TRDN: variants seen among roughly 807,000 people sequenced by gnomAD.
The protein encoded by TRDN is triadin.
Under a neutral mutation model 149.7 loss-of-function variants are expected in TRDN, and 161 were observed. That is an observed-to-expected ratio of 1.08 (90% CI 0.95 to 1.23). The LOEUF is 1.23. Among genes scored for constraint, TRDN ranks in the 50% most tolerant of loss-of-function variants. TRDN has a pLI of 0.00. For synonymous variants in TRDN, 294 were observed against 250.5 expected, an observed-to-expected ratio of 1.17 and a Z score of -1.64; for missense variants, 896 against 823.5, an observed-to-expected ratio of 1.09 and a Z score of -1.08.
chr6:123,577,380 T>C (rs1782911194), intron 1 of TRDN, among the ~76,000 whole-genome samples: 1 of 152,170 alleles, frequency 6.6e-6, no homozygotes, highest in Non-Finnish European at 1.5e-5. Context: ...TTCCCACTTA[T>C]AAGTGAGAAC....
intron 4 of TRDN, among the ~76,000 whole-genome samples, chr6:123,543,022 G>C (rs1417859756): frequency 6.6e-6 from 1 of 151,970 alleles, no homozygotes; most frequent in Non-Finnish European, 1.5e-5. Context: ...TATGCTTTCA[G>C]TTCAATTTAT....
chr6:123,529,317 C>G, intron 5 of TRDN: 1 of 1,548,236 alleles, frequency 6.5e-7, no homozygotes, highest in Non-Finnish European at 8.7e-7. Context: ...AATTAAGAAC[C>G]GAAAAAAGGA....
intron 40 of TRDN, among the ~76,000 whole-genome samples, chr6:123,220,990 T>C (rs561469044): frequency 6.6e-6 from 1 of 151,958 alleles, no homozygotes; most frequent in East Asian, 1.9e-4. Flanking sequence ...GAATATTGAT[T>C]GGATTCTAAA....
At chr6:123,364,257 A>G (rs549069530) in intron 20 of TRDN, among the ~76,000 whole-genome samples, 1 of 152,194 alleles carries the variant, frequency 6.6e-6, no homozygotes, top group African/African-American at 2.4e-5. Context: ...GAGTCTATGG[A>G]TCAGCTACCA....
chr6:123,614,515 G>A (rs1784989136), intron 1 of TRDN, among the ~76,000 whole-genome samples: 2 of 151,102 alleles, frequency 1.3e-5, no homozygotes, highest in Non-Finnish European at 3.0e-5. Flanking sequence ...TACACTTATT[G>A]AAGATATTTA....
At chr6:123,548,712 A>G in intron 2 of TRDN, 100 bp from the exon 3 acceptor site, 1 of 1,038,614 alleles carries the variant, frequency 9.6e-7, no homozygotes. Flanking sequence ...TGACAAAAAG[A>G]ATATGTCAAT....
chr6:123,433,143 AATATATATATATATATATAATATAT>A (rs138197504), intron 12 of TRDN, among the ~76,000 whole-genome samples: 19 of 96,436 alleles, frequency 2.0e-4, no homozygotes, highest in Admixed American at 1.6e-3. Context: ...ACACATCATA[AATATATATATATATATATAATATAT>A]ATATATATAT....
intron 1 of TRDN, among the ~76,000 whole-genome samples, chr6:123,617,200 AG>A (rs1456449952): frequency 2.6e-5 from 4 of 152,146 alleles, no homozygotes; most frequent in African/African-American, 9.7e-5. Context: ...AGGAACGTGA[AG>A]GATACCCATT....
intron 8 of TRDN, chr6:123,502,477 AT>A (rs928349243): frequency 1.5e-4 from 127 of 836,252 alleles, no homozygotes; most frequent in Non-Finnish European, 1.6e-4. Context: ...AAAAGAAAAA[AT>A]CTTTCCTTTT....
At chr6:123,478,446 A>T (rs1012174563) in intron 9 of TRDN, among the ~76,000 whole-genome samples, 1 of 152,192 alleles carries the variant, frequency 6.6e-6, no homozygotes, top group African/African-American at 2.4e-5. Context: ...TTCATTTTTT[A>T]AAAATAATTT....
intron 9 of TRDN, chr6:123,470,525 T>G (rs1053716219): frequency 3.3e-5 from 5 of 152,116 alleles, no homozygotes; most frequent in Non-Finnish European, 5.9e-5. Flanking sequence ...CGTAAATGAA[T>G]GGCAAGCATA....
At chr6:123,392,640 A>G (rs1445612996) in intron 13 of TRDN, among the ~76,000 whole-genome samples, 1 of 152,080 alleles carries the variant, frequency 6.6e-6, no homozygotes, top group African/African-American at 2.4e-5. Context: ...AAGTTTTTCA[A>G]TGTGAAAACT....
intron 2 of TRDN, among the ~76,000 whole-genome samples, chr6:123,552,848 A>G (rs1289319156): frequency 2.6e-5 from 4 of 152,100 alleles, no homozygotes; most frequent in Non-Finnish European, 5.9e-5. Context: ...AAATTTATCA[A>G]TGCCTTGCTT....
intron 1 of TRDN, among the ~76,000 whole-genome samples, chr6:123,589,688 T>G (rs1217934808): frequency 6.6e-6 from 1 of 152,198 alleles, no homozygotes. Context: ...TTTTATTACC[T>G]GTAAGAGAGT....
chr6:123,356,999 T>C (rs1214592446), intron 20 of TRDN, among the ~76,000 whole-genome samples: 1 of 151,760 alleles, frequency 6.6e-6, no homozygotes, highest in African/African-American at 2.4e-5. Context: ...TTATTTCTCT[T>C]CCTTCTACTT....
At chr6:123,502,976 C>A (rs777427454) in intron 8 of TRDN, 4 of 985,152 alleles carry the variant, frequency 4.1e-6, no homozygotes, top group Middle Eastern at 5.2e-4. Context: ...CCCTCCTAAA[C>A]CTTCAGCTCT....
intron 31 of TRDN, 81 bp downstream of exon 31, chr6:123,269,768 T>C: frequency 7.0e-7 from 1 of 1,422,702 alleles, no homozygotes. Flanking sequence ...AATAACATTT[T>C]TCTTAAAAAA....
At chr6:123,246,676 C>T (rs928497867) in intron 38 of TRDN, among the ~76,000 whole-genome samples, 1 of 151,844 alleles carries the variant, frequency 6.6e-6, no homozygotes, top group Non-Finnish European at 1.5e-5. Context: ...GAGTTAGTAC[C>T]ATACCTTCTG....
chr6:123,621,272 C>T (rs887238403), intron 1 of TRDN, among the ~76,000 whole-genome samples: 1 of 152,054 alleles, frequency 6.6e-6, no homozygotes, highest in African/African-American at 2.4e-5. Flanking sequence ...TTTTATATAT[C>T]TTGTGAGACT....
Sources: allele counts gnomAD v4.1 joint callset (sites outside exome capture counted in the v4.1 genomes callset), GRCh38; gene constraint gnomAD v4.1.1; transcripts MANE v1.5; gene names NCBI Gene and HGNC (gene_info 2026-07-23, HGNC 2026-07-21).